The following STS variants were observed in gnomAD, a reference collection of about 807,000 sequenced individuals.
STS encodes the protein steryl-sulfatase.
STS carries 7 observed loss-of-function variants against 26.8 expected under a neutral mutation model. That is an observed-to-expected ratio of 0.26 (90% confidence interval 0.15 to 0.49). STS has a LOEUF of 0.49. STS is among the 20% of genes least tolerant of loss of function. The pLI is 0.98. For missense variants in STS, 434 were observed against 465.6 expected (o/e 0.93, Z 0.63); for synonymous variants, 199 against 189.4 (o/e 1.05, Z -0.42).
At position 7,164,483 on chromosome X, in the gene STS, A is replaced by C. The variant is rs373658947; in HGVS notation, c.-134+16400A>C. Reference sequence around the variant, plus strand: ...TTAGAATAACCTGAGAACACTCAGGAACTGAAATTGAGCCAGAAAAGCTGG... The same window carrying C: ...TTAGAATAACCTGAGAACACTCAGGCACTGAAATTGAGCCAGAAAAGCTGG... On this transcript the variant is annotated intron_variant, in intron 1 of 10. Transcript: ENST00000674429. Among the ~76,000 whole-genome samples, 25 of 110,553 alleles carry C rather than the reference A, an allele frequency of 2.3e-4. No homozygotes were observed. In the South Asian group the frequency reaches 9.3e-3, roughly 41 times the overall value.
At position 7,240,533 on chromosome X, in the gene STS, G is replaced by GTGTATA. The variant is rs1373072915; in HGVS notation, c.-4-12662_-4-12661insGTATAT. On this transcript the variant is annotated intron_variant, in intron 2 of 10. Transcript: ENST00000674429. ...TGTGTGTGTGTGTGTGTGTGTGTGT[G>GTGTATA]TATATATATATATATATATAAAATG... Among the ~76,000 whole-genome samples the GTGTATA allele has an allele frequency of 6.3e-3, 382 of 60,457 alleles. 4 individuals carry two copies. The highest frequency in any genetic ancestry group is 0.022 in the African/African-American group (343 of 15,283). The allele number at this position is 60,457 out of a possible 115,157, so 52.5% of individuals were successfully genotyped here. A position where few individuals can be genotyped will look rare whatever the true frequency, so the allele number is the denominator to read the frequency against.
intron 2 of STS, among the ~76,000 whole-genome samples, chrX:7,241,794 C>T (rs966945479): frequency 1.8e-5 from 2 of 112,067 alleles, no homozygotes; most frequent in Non-Finnish European, 3.8e-5. Flanking sequence ...TTAGCTTCTA[C>T]GTCTCTTTCA....
intron 1 of STS, among the ~76,000 whole-genome samples, chrX:7,164,980 T>G (rs1028226337): frequency 9.1e-6 from 1 of 110,428 alleles, no homozygotes; most frequent in Non-Finnish European, 1.9e-5. Context: ...GAGCACTGAT[T>G]GTACCATTGC....
At chrX:7,296,303 A>G (rs1403213074) in intron 7 of STS, among the ~76,000 whole-genome samples, 3 of 112,232 alleles carry the variant, frequency 2.7e-5, no homozygotes, top group Non-Finnish European at 5.6e-5. Context: ...TGGCCATACC[A>G]AACAGCAAAT....
intron 6 of STS, among the ~76,000 whole-genome samples, chrX:7,265,828 A>G (rs922266206): frequency 4.5e-5 from 5 of 112,264 alleles, no homozygotes; most frequent in African/African-American, 1.3e-4. Context: ...AGAGCTGTCT[A>G]TCTGTGTTAG....
At position 7,339,318 on chromosome X, in the gene STS, A is replaced by G. The variant is rs192930407; in HGVS notation, c.1363+5211A>G. On this transcript the variant is annotated intron_variant, in intron 10 of 10. Transcript: ENST00000674429. ...CCTAATGTGAGATGCAGCATTTCCA[A>G]ATTTAAGCTCACCAGGATCTATCCT... Among the ~76,000 whole-genome samples the G allele has an allele frequency of 3.6e-5, 4 of 112,226 alleles. No individual in the cohort carries two copies. In the East Asian group the frequency reaches 1.1e-3, roughly 31 times the overall value.
At chrX:7,236,947 C>G (rs1338630708) in intron 2 of STS, among the ~76,000 whole-genome samples, 1 of 108,795 alleles carries the variant, frequency 9.2e-6, no homozygotes, top group African/African-American at 3.3e-5. Context: ...TGGTTGTCAG[C>G]TAAATAGCCT....
At chrX:7,273,683 G>A (rs1390793584) in intron 6 of STS, among the ~76,000 whole-genome samples, 1 of 111,053 alleles carries the variant, frequency 9.0e-6, no homozygotes, top group Non-Finnish European at 1.9e-5. Context: ...TTGAACCTAA[G>A]CATAAAAATA....
intron 9 of STS, among the ~76,000 whole-genome samples, chrX:7,333,465 C>T (rs1927856974): frequency 8.9e-6 from 1 of 111,946 alleles, no homozygotes; most frequent in Non-Finnish European, 1.9e-5. Flanking sequence ...TTAATTCATT[C>T]TAAGGAGAAA....
intron 9 of STS, among the ~76,000 whole-genome samples, chrX:7,326,161 G>A (rs186605073): frequency 9.1e-6 from 1 of 110,426 alleles, no homozygotes; most frequent in African/African-American, 3.3e-5. Context: ...CTGCACTGAG[G>A]CCACTGCTGA....
intron 2 of STS, among the ~76,000 whole-genome samples, chrX:7,206,498 G>C (rs925907817): frequency 4.5e-5 from 5 of 110,763 alleles, no homozygotes; most frequent in Non-Finnish European, 7.6e-5. Context: ...TTGGTTCTTT[G>C]ATCGCTGTCC....
At chrX:7,340,796 T>C (rs1311349552) in intron 10 of STS, among the ~76,000 whole-genome samples, 1 of 112,208 alleles carries the variant, frequency 8.9e-6, no homozygotes, top group Non-Finnish European at 1.9e-5. Flanking sequence ...TCCTGTAGAA[T>C]GTGACAGCTT....
chrX:7,189,214 T>C (rs1330089181), intron 1 of STS, among the ~76,000 whole-genome samples: 2 of 111,735 alleles, frequency 1.8e-5, no homozygotes, highest in Non-Finnish European at 3.8e-5. Flanking sequence ...ACAATAGATT[T>C]ATATATTAAT....
chrX:7,226,402 A>T (rs1029821409), intron 2 of STS, among the ~76,000 whole-genome samples: 22 of 111,838 alleles, frequency 2.0e-4, no homozygotes, highest in Non-Finnish European at 3.9e-4. Context: ...TCTCCTGTTG[A>T]TAGTTATTTG....
chrX:7,243,396 AGTAACTCCC>A (rs1922712443), intron 2 of STS, among the ~76,000 whole-genome samples: 1 of 111,915 alleles, frequency 8.9e-6, no homozygotes, highest in African/African-American at 3.3e-5. Context: ...TAGTATCCTG[AGTAACTCCC>A]CCATGGTCAA....
At chrX:7,203,888 A>G (rs887846929) in intron 2 of STS, among the ~76,000 whole-genome samples, 2 of 111,351 alleles carry the variant, frequency 1.8e-5, no homozygotes, top group Non-Finnish European at 3.8e-5. Context: ...GGGCTCAAGC[A>G]ATTCTCCTGT....
chrX:7,279,311 A>ATATATG (rs1445736078), intron 7 of STS, among the ~76,000 whole-genome samples: 5 of 78,117 alleles, frequency 6.4e-5, no homozygotes, highest in South Asian at 7.0e-4. Context: ...ATATATATAT[A>ATATATG]TGTGTGTGTG....
chrX:7,217,588 A>G (rs970628706), intron 2 of STS, among the ~76,000 whole-genome samples: 4 of 111,569 alleles, frequency 3.6e-5, no homozygotes, highest in Middle Eastern at 4.7e-3. Flanking sequence ...TCTAGTCCCA[A>G]TAGTATGCCC....
At chrX:7,272,476 C>G (rs1479756752) in intron 6 of STS, among the ~76,000 whole-genome samples, 3 of 111,486 alleles carry the variant, frequency 2.7e-5, no homozygotes, top group Admixed American at 9.5e-5. Context: ...AGATTTAGGA[C>G]AGAAGTTCTG....
Sources: allele counts gnomAD v4.1 joint callset (sites outside exome capture counted in the v4.1 genomes callset), GRCh38; gene constraint gnomAD v4.1.1; transcripts MANE v1.5; gene names NCBI Gene and HGNC (gene_info 2026-07-23, HGNC 2026-07-21).